The following ROCK1 variants were observed in gnomAD, a reference collection of about 807,000 sequenced individuals.
ROCK1 encodes Rho associated coiled-coil containing protein kinase 1, also known as rho-associated protein kinase 1.
In ROCK1, 36 loss-of-function variants were observed where a neutral mutation model predicts 196.8. The observed-to-expected ratio is 0.18, with a 90% confidence interval of 0.14 to 0.24. The LOEUF (loss-of-function observed/expected upper bound fraction) is 0.24. Ranked by LOEUF, ROCK1 falls within the 10% of genes least tolerant of loss-of-function variation. The probability of loss-of-function intolerance (pLI) is 1.00; values close to 1 mark genes in which losing one functional copy is unlikely to be tolerated. For missense variants in ROCK1, 920 were observed against 1,562.0 expected (o/e 0.59, Z 6.93); for synonymous variants, 443 against 515.9 (o/e 0.86, Z 1.91).
At chr18:20,998,729 C>T (rs1416836572) in intron 16 of ROCK1, among the ~76,000 whole-genome samples, 5 of 151,480 alleles carry the variant, frequency 3.3e-5, no homozygotes, top group African/African-American at 1.2e-4. Context: ...CTCAGCCTCC[C>T]GAGTAGCTGG....
Position 21,076,520 on chromosome 18 carries a change from G to C in ROCK1, c.94-5907C>G, listed in dbSNP as rs140346752. Among the ~76,000 whole-genome samples the C allele has an allele frequency of 1.8e-3, 275 of 152,108 alleles. 1 individual carries two copies. The highest frequency in any genetic ancestry group is 5.1e-3 in the African/African-American group (211 of 41,512). On this transcript the variant is annotated intron_variant, in intron 1 of 32. Coordinates refer to ENST00000399799, the MANE Select transcript of ROCK1 (RefSeq NM_005406.3). ...GTCTGTCTCAAACAAAAAAGAAACA[G>C]TTAAATGATAAGTTTTATGATACGT...
intron 21 of ROCK1, among the ~76,000 whole-genome samples, chr18:20,981,230 T>C (rs1216538973): frequency 1.3e-5 from 2 of 151,826 alleles, no homozygotes; most frequent in African/African-American, 4.8e-5. Flanking sequence ...CCGTCTCTAC[T>C]AAAAGTACAA....
At position 20,983,406 on chromosome 18, in the gene ROCK1, T is replaced by C. The variant is rs8083275; in HGVS notation, c.2490-574A>G. On this transcript the variant is annotated intron_variant, in intron 20 of 32. Coordinates refer to ENST00000399799, the MANE Select transcript of ROCK1 (RefSeq NM_005406.3). ...GGAGGAACGCAGATAGACAACTGCA[T>C]GTATATAATACATACATAAACACAA... Among the ~76,000 whole-genome samples the C allele has an allele frequency of 9.6e-3, 1,463 of 151,692 alleles. 17 individuals carry two copies. Among genetic ancestry groups the C allele is most frequent in the African/African-American group, 0.034 (1,410 of 41,302 alleles).
At chr18:20,997,621 A>G (rs1009788525) in intron 16 of ROCK1, among the ~76,000 whole-genome samples, 1 of 152,198 alleles carries the variant, frequency 6.6e-6, no homozygotes, top group Admixed American at 6.5e-5. Flanking sequence ...TTTAATCTGC[A>G]CTATAGACCA....
intron 27 of ROCK1, among the ~76,000 whole-genome samples, chr18:20,963,775 C>G (rs1296336698): frequency 6.6e-6 from 1 of 152,100 alleles, no homozygotes; most frequent in African/African-American, 2.4e-5. Context: ...AGGCAACAGG[C>G]ACCCATAACC....
chr18:20,966,221 G>C (rs751129041), intron 27 of ROCK1, among the ~76,000 whole-genome samples: 10 of 152,062 alleles, frequency 6.6e-5, no homozygotes, highest in Non-Finnish European at 1.3e-4. Context: ...TATAGTATGT[G>C]TATTTCTCAT....
intron 13 of ROCK1, among the ~76,000 whole-genome samples, chr18:21,009,740 CT>C: frequency 6.6e-6 from 1 of 152,046 alleles, no homozygotes; most frequent in East Asian, 1.9e-4. Flanking sequence ...TTAAAACTTA[CT>C]TTTTTTCATG....
chr18:21,054,614 T>C (rs780589143), intron 2 of ROCK1, among the ~76,000 whole-genome samples: 17 of 152,204 alleles, frequency 1.1e-4, no homozygotes, highest in Non-Finnish European at 1.9e-4. Flanking sequence ...GTTGCTGTAA[T>C]CTACTGACTC....
At chr18:21,074,081 C>T (rs1272470328) in intron 1 of ROCK1, among the ~76,000 whole-genome samples, 1 of 152,136 alleles carries the variant, frequency 6.6e-6, no homozygotes, top group Non-Finnish European at 1.5e-5. Context: ...TCGCTTGAGC[C>T]CAGGAGCTCA....
At chr18:21,000,545 G>A (rs1008904796) in intron 16 of ROCK1, among the ~76,000 whole-genome samples, 2 of 152,200 alleles carry the variant, frequency 1.3e-5, no homozygotes, top group Admixed American at 6.5e-5. Flanking sequence ...TTACAGGTGT[G>A]AGCTACTGCA....
At chr18:20,960,054 A>G (rs1402538918) in intron 28 of ROCK1, 82 bp downstream of exon 28, 11 of 1,109,558 alleles carry the variant, frequency 9.9e-6, no homozygotes, top group Non-Finnish European at 1.4e-5. Flanking sequence ...GCTAGTAAAA[A>G]AAAGTAGCTA....
intron 1 of ROCK1, among the ~76,000 whole-genome samples, chr18:21,082,521 T>C (rs1288785214): frequency 1.3e-5 from 2 of 152,148 alleles, no homozygotes; most frequent in Non-Finnish European, 2.9e-5. Context: ...GCACAGTTGA[T>C]TTAACATACA....
At chr18:21,097,223 T>C (rs2036620114) in intron 1 of ROCK1, among the ~76,000 whole-genome samples, 1 of 152,130 alleles carries the variant, frequency 6.6e-6, no homozygotes, top group East Asian at 1.9e-4. Flanking sequence ...GTAGTATAGA[T>C]TATATTGGAA....
intron 32 of ROCK1, chr18:20,953,231 T>G (rs987156661): frequency 1.1e-5 from 2 of 182,858 alleles, no homozygotes; most frequent in African/African-American, 4.8e-5. Flanking sequence ...AGAAAAACTA[T>G]GCCAACACAG....
chr18:21,009,774 T>C (rs2035800612), intron 13 of ROCK1, among the ~76,000 whole-genome samples: 1 of 152,204 alleles, frequency 6.6e-6, no homozygotes, highest in Non-Finnish European at 1.5e-5. Context: ...TATTTCATGA[T>C]AGTTTTAATT....
chr18:20,991,308 T>C lies in ROCK1; in HGVS notation c.2011A>G (p.Ile671Val), dbSNP rs1428376870. The C allele has an allele frequency of 6.3e-7, 1 of 1,598,318 alleles. No individual in the cohort carries two copies. Residue 671 changes from isoleucine to valine, a missense_variant, in exon 18 of 33, where the codon ATA becomes GTA. Coordinates refer to ENST00000399799, the MANE Select transcript of ROCK1 (RefSeq NM_005406.3). ...HSEKEKNNLE[I>V]DLNYKLKSLQ... ...GATTTAAGTTTGTAGTTTAAATCTATCTCTAAATTATTCTTTTCCTGTAAA... is the reference window on the plus strand; with the variant it reads ...GATTTAAGTTTGTAGTTTAAATCTACCTCTAAATTATTCTTTTCCTGTAAA...
chr18:20,950,287 T>C lies in ROCK1; in HGVS notation c.*1097A>G, dbSNP rs1021119029. 1.3e-5 allele frequency: 2 copies of C among 152,530 alleles called. No homozygotes were observed. Among genetic ancestry groups the C allele is most frequent in the Non-Finnish European group, 2.9e-5 (2 of 68,034 alleles). 9.4% of individuals were successfully genotyped at this position (152,530 alleles called of 1,614,324 possible). A position where few individuals can be genotyped will look rare whatever the true frequency, so the allele number is the denominator to read the frequency against. On this transcript the variant is annotated 3_prime_UTR_variant, in exon 33 of 33. Transcript: ENST00000399799. ...GTCATTATTGTAGCAGGTAGTTTGA[T>C]GCAAAGATTGTACTCAATTTATGAA...
chr18:20,950,093 AAAT>A lies in ROCK1; in HGVS notation c.*1288_*1290del, dbSNP rs923187514. On this transcript the variant is annotated 3_prime_UTR_variant, in exon 33 of 33. Transcript: ENST00000399799. Reference sequence around the variant, plus strand: ...TTACTGAGGAGGTATTTGGTTAAAAAAATAAACAATAAATCATACTGTCCATAT... The same window carrying A: ...TTACTGAGGAGGTATTTGGTTAAAAAAAACAATAAATCATACTGTCCATAT... 6.5e-6 allele frequency: 1 copy of A among 152,712 alleles called. No homozygotes were observed. Among genetic ancestry groups the A allele is most frequent in the Non-Finnish European group, 1.5e-5 (1 of 68,052 alleles). 9.5% of individuals were successfully genotyped at this position (152,712 alleles called of 1,614,324 possible).
At position 21,042,720 on chromosome 18, in the gene ROCK1, C is replaced by T. The variant is rs1421601193; in HGVS notation, c.676-11G>A. Reference sequence around the variant, plus strand: ...TCGTACCATGCCTTCCTAAAAAGCGCGGCAGGTCAAATTTTGAATTAGGAT... The same window carrying T: ...TCGTACCATGCCTTCCTAAAAAGCGTGGCAGGTCAAATTTTGAATTAGGAT... On this transcript the variant is annotated splice_polypyrimidine_tract_variant and intron_variant, in intron 6 of 32. Coordinates refer to ENST00000399799, the MANE Select transcript of ROCK1 (RefSeq NM_005406.3). The T allele has an allele frequency of 1.8e-5, 28 of 1,578,900 alleles. No homozygotes were observed. The highest frequency in any genetic ancestry group is 1.7e-4 in the Middle Eastern group (1 of 5,900).
Sources: gnomAD v4.1 joint callset for allele counts (sites outside exome capture counted in the v4.1 genomes callset) on GRCh38, gnomAD v4.1.1 for gene constraint, MANE v1.5 for transcripts, NCBI Gene and HGNC (gene_info 2026-07-23, HGNC 2026-07-21) for gene names.